The following GGACT variants were observed in gnomAD, a reference collection of about 807,000 sequenced individuals.
The protein encoded by GGACT is gamma-glutamylaminecyclotransferase.
For missense variants in GGACT, 241 were observed against 233.2 expected (o/e 1.03, Z -0.22); for synonymous variants, 118 against 115.3 (o/e 1.02, Z -0.15).
chr13:100,570,662 G>A (rs554698782), intron 2 of GGACT, among the ~76,000 whole-genome samples: 18 of 152,132 alleles, frequency 1.2e-4, no homozygotes, highest in African/African-American at 4.1e-4. Context: ...AAATCCCAAG[G>A]AATGTCTCCT....
intron 2 of GGACT, among the ~76,000 whole-genome samples, chr13:100,551,484 G>C (rs1377976020): frequency 1.3e-5 from 2 of 152,170 alleles, no homozygotes; most frequent in Admixed American, 1.3e-4. Flanking sequence ...CGGCTCCCAG[G>C]AACTTCCCAG....
intron 2 of GGACT, among the ~76,000 whole-genome samples, chr13:100,556,409 T>C (rs920757141): frequency 1.2e-4 from 18 of 152,230 alleles, no homozygotes; most frequent in Admixed American, 3.9e-4. Flanking sequence ...TAGGGTCCAA[T>C]TGTTTGAACA....
chr13:100,564,626 C>T (rs1199633625), intron 2 of GGACT, among the ~76,000 whole-genome samples: 1 of 152,186 alleles, frequency 6.6e-6, no homozygotes, highest in African/African-American at 2.4e-5. Flanking sequence ...AGACTGTTGC[C>T]TAAATAACGC....
At chr13:100,550,474 C>T (rs1428171421) in intron 2 of GGACT, among the ~76,000 whole-genome samples, 2 of 151,462 alleles carry the variant, frequency 1.3e-5, no homozygotes, top group African/African-American at 2.4e-5. Context: ...TTTAAAAGCA[C>T]CATTATAGCC....
In GGACT at chr13:100,532,120, C is replaced by A. The variant is rs1180583459; in HGVS notation, c.*10G>T. The A allele has an allele frequency of 7.0e-7, 1 of 1,436,686 alleles. No homozygotes were observed. The highest frequency in any genetic ancestry group is 2.5e-5 in the East Asian group (1 of 39,358). The allele number at this position is 1,436,686 out of a possible 1,614,324, so 89.0% of individuals were successfully genotyped here. ...GGCTCTCAAACCTAGGCCCACCCTG[C>A]CCGTCCCCCTTATCTGTTCTCCCGG... On this transcript the variant is annotated 3_prime_UTR_variant, in exon 3 of 3. Coordinates refer to ENST00000683975, the MANE Select transcript of GGACT (RefSeq NM_001195087.2).
chr13:100,549,841 C>G (rs2088640565), intron 2 of GGACT, among the ~76,000 whole-genome samples: 1 of 152,104 alleles, frequency 6.6e-6, no homozygotes, highest in African/African-American at 2.4e-5. Flanking sequence ...CACACATGAG[C>G]ACATACACAC....
intron 2 of GGACT, among the ~76,000 whole-genome samples, chr13:100,547,126 G>A (rs985115251): frequency 6.6e-6 from 1 of 152,124 alleles, no homozygotes; most frequent in Non-Finnish European, 1.5e-5. Flanking sequence ...ATTCAGTGCC[G>A]GCTCTGCCAC....
intron 2 of GGACT, among the ~76,000 whole-genome samples, chr13:100,575,967 G>C (rs1875236742): frequency 6.6e-6 from 1 of 152,206 alleles, no homozygotes. Flanking sequence ...GCTCAGGAAT[G>C]AAATGCATAT....
chr13:100,541,588 A>G (rs1199427504), intron 2 of GGACT: 2 of 152,234 alleles, frequency 1.3e-5, no homozygotes, highest in East Asian at 3.8e-4. Flanking sequence ...TCTCAAAAAT[A>G]AAAATGAACA....
Position 100,532,472 on chromosome 13 carries a change from G to C in GGACT, c.120C>G (p.Tyr40Ter). 1 of 1,549,648 alleles carries C rather than the reference G, an allele frequency of 6.5e-7. No homozygotes were observed. Among genetic ancestry groups the C allele is most frequent in the Non-Finnish European group, 8.7e-7 (1 of 1,146,624 alleles). ...TGTGCTCCCCCGCGATCACCAACGG[G>C]TAGGGCTCCAGCGTGCGGCCGCGCG... ...FRARGRTLEP[Y>*]PLVIAGEHNI... Residue 40 changes from tyrosine (Y) to a stop codon, truncating the protein, a stop_gained, in exon 3 of 3, where the codon TAC becomes TAG. Coordinates refer to ENST00000683975, the MANE Select transcript of GGACT (RefSeq NM_001195087.2). LOFTEE classifies it low-confidence loss of function (END_TRUNC).
intron 2 of GGACT, chr13:100,539,697 G>T: frequency 1.7e-6 from 1 of 592,944 alleles, no homozygotes; most frequent in Non-Finnish European, 2.9e-6. Context: ...TAGTATCAGG[G>T]TGATGCTCAA....
At position 100,564,834 on chromosome 13, in the gene GGACT, G is replaced by C. The variant is rs554922579; in HGVS notation, c.-11+18991C>G. Among the ~76,000 whole-genome samples, 4 of 152,280 alleles carry C rather than the reference G, an allele frequency of 2.6e-5. No individual in the cohort carries two copies. In the East Asian group the frequency reaches 7.7e-4, roughly 29 times the overall value. On this transcript the variant is annotated intron_variant, in intron 2 of 2. Coordinates refer to ENST00000683975, the MANE Select transcript of GGACT (RefSeq NM_001195087.2). ...CTATGCCCCGGGCAGGGGGCGGGGG[G>C]GCTGGGCCTGAACCCAGCAGAAGCC...
intron 2 of GGACT, among the ~76,000 whole-genome samples, chr13:100,564,303 T>C (rs2088791322): frequency 6.6e-6 from 1 of 152,208 alleles, no homozygotes; most frequent in Non-Finnish European, 1.5e-5. Flanking sequence ...AGAGGATTCA[T>C]GATGCTCTGT....
chr13:100,567,654 C>A (rs1035373698), intron 2 of GGACT, among the ~76,000 whole-genome samples: 1 of 152,228 alleles, frequency 6.6e-6, no homozygotes, highest in African/African-American at 2.4e-5. Flanking sequence ...TATAAACATA[C>A]ACACACGCAC....
chr13:100,567,593 C>T (rs572422306), intron 2 of GGACT, among the ~76,000 whole-genome samples: 6 of 152,330 alleles, frequency 3.9e-5, no homozygotes, highest in Middle Eastern at 3.4e-3. Context: ...TGTCTTTGGG[C>T]TGCATCTGTC....
At chr13:100,565,262 A>G (rs2088800521) in intron 2 of GGACT, among the ~76,000 whole-genome samples, 1 of 152,224 alleles carries the variant, frequency 6.6e-6, no homozygotes, top group South Asian at 2.1e-4. Context: ...TCAAAAGGAA[A>G]GACACAATCC....
At chr13:100,564,468 T>TA (rs925200467) in intron 2 of GGACT, among the ~76,000 whole-genome samples, 1 of 152,154 alleles carries the variant, frequency 6.6e-6, no homozygotes, top group South Asian at 2.1e-4. Context: ...ACATCTTTTT[T>TA]AAAAAAATTA....
intron 1 of GGACT, 31 bp downstream of exon 1, chr13:100,588,710 C>G (rs1189423294): frequency 6.6e-6 from 1 of 151,590 alleles, no homozygotes; most frequent in African/African-American, 2.4e-5. Context: ...GCAGGCGCAG[C>G]CCCGACCCCC....
intron 2 of GGACT, among the ~76,000 whole-genome samples, chr13:100,563,054 G>A (rs1487103595): frequency 2.6e-5 from 4 of 152,172 alleles, no homozygotes; most frequent in African/African-American, 2.4e-5. Context: ...CAACCCTGCC[G>A]GCCCCTGATC....
Sources: allele counts gnomAD v4.1 joint callset (sites outside exome capture counted in the v4.1 genomes callset), GRCh38; gene constraint gnomAD v4.1.1; transcripts MANE v1.5; gene names NCBI Gene and HGNC (gene_info 2026-07-23, HGNC 2026-07-21).